ATP11A: variants seen among roughly 807,000 people sequenced by gnomAD.
ATP11A encodes the protein phospholipid-transporting ATPase IH.
ATP11A carries 81 observed loss-of-function variants against 154.4 expected under a neutral mutation model. That is an observed-to-expected ratio of 0.52 (90% CI 0.44 to 0.63). The LOEUF (loss-of-function observed/expected upper bound fraction) is 0.63. Among genes scored for constraint, ATP11A ranks in the 30% least tolerant of loss-of-function variants. ATP11A has a pLI of 0.00. For synonymous variants in ATP11A, 623 were observed against 585.9 expected, an observed-to-expected ratio of 1.06 and a Z score of -0.91; for missense variants, 1,316 against 1,474.3, an observed-to-expected ratio of 0.89 and a Z score of 1.76.
chr13:112,832,755 G>C, intron 13 of ATP11A, 105 bp from the exon 14 acceptor site: 1 of 1,425,172 alleles, frequency 7.0e-7, no homozygotes, highest in Admixed American at 2.1e-5. Flanking sequence ...TCGTGGCCGC[G>C]GGGACCCCCC....
At chr13:112,774,149 A>G (rs2077291645) in intron 1 of ATP11A, among the ~76,000 whole-genome samples, 1 of 152,252 alleles carries the variant, frequency 6.6e-6, no homozygotes, top group Non-Finnish European at 1.5e-5. Flanking sequence ...TACAAAGGAT[A>G]GACTGCAGGC....
At chr13:112,864,112 G>A (rs71446660) in intron 25 of ATP11A, among the ~76,000 whole-genome samples, 5 of 84,586 alleles carry the variant, frequency 5.9e-5, no homozygotes, top group African/African-American at 2.2e-4. Context: ...CACCACCTGC[G>A]CAGTAATTCA....
Position 112,865,580 on chromosome 13 carries a change from C to T in ATP11A, c.2991+3005C>T, listed in dbSNP as rs113863384. The stretch of plus-strand genomic sequence containing the variant: ...TGTTGTTGTTGTTGAGACGGAGTCT[C>T]GCTCTGTTGCCCAGGTTGGAGTGCA... On this transcript the variant is annotated intron_variant, in intron 25 of 29. Coordinates refer to ENST00000375645, the MANE Select transcript of ATP11A (RefSeq NM_015205.3). 5.3e-5 allele frequency among the ~76,000 whole-genome samples: 8 copies of T among 152,296 alleles called. No homozygotes were observed. In the East Asian group the frequency reaches 1.3e-3, roughly 26 times the overall value.
At chr13:112,850,241 A>G (rs2079724969) in intron 17 of ATP11A, among the ~76,000 whole-genome samples, 1 of 152,194 alleles carries the variant, frequency 6.6e-6, no homozygotes, top group African/African-American at 2.4e-5. Context: ...TGGGAGGATT[A>G]TGGTTCTTTT....
intron 16 of ATP11A, among the ~76,000 whole-genome samples, chr13:112,840,796 C>G (rs2079391327): frequency 2.0e-5 from 3 of 152,056 alleles, no homozygotes; most frequent in Non-Finnish European, 2.9e-5. Context: ...TGTTCCTACT[C>G]CTGAGTCCTC....
chr13:112,732,349 G>T (rs1890570018), intron 1 of ATP11A, among the ~76,000 whole-genome samples: 2 of 152,118 alleles, frequency 1.3e-5, no homozygotes. Context: ...GTTGTAGTGG[G>T]TGATTAGAGG....
rs369808299 is a variant in ATP11A at position 112,765,763 on chromosome 13, G to A, written c.40-19372G>A. Among the ~76,000 whole-genome samples, 619 of 152,336 alleles carry A rather than the reference G, an allele frequency of 4.1e-3. 3 individuals are homozygous for A. The highest frequency in any genetic ancestry group is 0.014 in the African/African-American group (586 of 41,578). On this transcript the variant is annotated intron_variant, in intron 1 of 29. Coordinates refer to ENST00000375645, the MANE Select transcript of ATP11A (RefSeq NM_015205.3). The stretch of plus-strand genomic sequence containing the variant: ...CTGAGAACGAAAGCTCTGACTGACC[G>A]GAGCCTGCTACAGTGGATCTGAAAG...
chr13:112,854,574 G>C, intron 19 of ATP11A, 44 bp downstream of exon 19: 3 of 1,578,796 alleles, frequency 1.9e-6, no homozygotes, highest in South Asian at 2.2e-5. Flanking sequence ...TCCCGCAAAA[G>C]GGGCTTCAGA....
At chr13:112,809,962 G>C (rs1421270601) in intron 4 of ATP11A, among the ~76,000 whole-genome samples, 1 of 152,204 alleles carries the variant, frequency 6.6e-6, no homozygotes, top group African/African-American at 2.4e-5. Flanking sequence ...GTTAGCTCAG[G>C]CTGCTTTTCC....
rs1228244244 is a variant in ATP11A at position 112,807,632 on chromosome 13, C to T, written c.333+1339C>T. ...AACTTTAAGCAAAACGATGGGTTTT[C>T]TCATCAACTTCACAAGGAAATGGTG... On this transcript the variant is annotated intron_variant, in intron 4 of 29. Coordinates refer to ENST00000375645, the MANE Select transcript of ATP11A (RefSeq NM_015205.3). The surrounding 1 kb of genome is among the most constrained non-coding windows in gnomAD (Gnocchi z 4.5). Among the ~76,000 whole-genome samples the T allele has an allele frequency of 1.3e-5, 2 of 152,212 alleles. No individual in the cohort carries two copies. Among genetic ancestry groups the T allele is most frequent in the Admixed American group, 6.5e-5 (1 of 15,286 alleles).
rs9603961 is a variant in ATP11A at position 112,831,313 on chromosome 13, T to C, written c.1222-62T>C. ...GGGGAGGAAACACGGCTGCTGTGTG[T>C]CTGAGTCGGGGACGTGCGGGCCTCC... On this transcript the variant is annotated intron_variant, in intron 12 of 29. Coordinates refer to ENST00000375645, the MANE Select transcript of ATP11A (RefSeq NM_015205.3). 2.1e-4 allele frequency: 324 copies of C among 1,564,564 alleles called. No individual in the cohort carries two copies. In the African/African-American group the frequency reaches 4.0e-3, roughly 19 times the overall value.
chr13:112,693,557 G>A (rs541676383), intron 1 of ATP11A, among the ~76,000 whole-genome samples: 2 of 152,000 alleles, frequency 1.3e-5, no homozygotes, highest in Non-Finnish European at 2.9e-5. Context: ...GTGGACTGGC[G>A]TATGTGTTGT....
intron 26 of ATP11A, 162 bp from the exon 27 acceptor site, chr13:112,873,411 G>T: frequency 3.5e-6 from 2 of 573,220 alleles, no homozygotes; most frequent in Non-Finnish European, 6.1e-6. Flanking sequence ...GTGAGGTGTG[G>T]CTTTGTCTTC....
chr13:112,748,682 A>G (rs2076617943), intron 1 of ATP11A, among the ~76,000 whole-genome samples: 2 of 152,190 alleles, frequency 1.3e-5, no homozygotes, highest in Admixed American at 6.5e-5. Context: ...CAATTTTTAC[A>G]TTATAGTCAT....
At chr13:112,763,297 G>C (rs957100281) in intron 1 of ATP11A, among the ~76,000 whole-genome samples, 1 of 152,140 alleles carries the variant, frequency 6.6e-6, no homozygotes, top group Non-Finnish European at 1.5e-5. Flanking sequence ...GCTCTGATGG[G>C]AAGAGGGGCT....
chr13:112,819,754 G>A (rs1246395461), intron 7 of ATP11A, 146 bp from the exon 8 acceptor site: 2 of 773,646 alleles, frequency 2.6e-6, no homozygotes, highest in Admixed American at 2.2e-5. Flanking sequence ...TACGACAAGG[G>A]AAGGGGCTGG....
intron 29 of ATP11A, chr13:112,880,784 C>G: frequency 8.7e-7 from 1 of 1,152,222 alleles, no homozygotes; most frequent in Non-Finnish European, 1.1e-6. Context: ...TTTACACACA[C>G]ATGCATTTGC....
chr13:112,725,064 G>C (rs553553568), intron 1 of ATP11A, among the ~76,000 whole-genome samples: 1 of 152,178 alleles, frequency 6.6e-6, no homozygotes, highest in Non-Finnish European at 1.5e-5. Context: ...GCTGATGGCC[G>C]ACGCCTCTTG....
chr13:112,719,828 A>G (rs541782661), intron 1 of ATP11A, among the ~76,000 whole-genome samples: 5 of 152,330 alleles, frequency 3.3e-5, no homozygotes, highest in African/African-American at 1.2e-4. Flanking sequence ...GAGCAACTCC[A>G]TTCCTGTTTG....
Sources: gnomAD v4.1 joint callset for allele counts (sites outside exome capture counted in the v4.1 genomes callset) on GRCh38, gnomAD v4.1.1 for gene constraint, Gnocchi (gnomAD v3.1) non-coding constraint, MANE v1.5 for transcripts, NCBI Gene and HGNC (gene_info 2026-07-23, HGNC 2026-07-21) for gene names.